The following EPB41L5 variants were observed in gnomAD, a reference collection of about 807,000 sequenced individuals.
EPB41L5 encodes erythrocyte membrane protein band 4.1 like 5.
A neutral mutation model predicts 106.6 loss-of-function variants in EPB41L5; 55 were observed. The observed-to-expected ratio is 0.52, with a 90% CI of 0.42 to 0.65. EPB41L5 has a LOEUF of 0.65. Ranked by LOEUF, EPB41L5 falls within the 30% of genes least tolerant of loss-of-function variation. The pLI, the probability that EPB41L5 is intolerant of heterozygous loss-of-function variation, is 0.00. For synonymous variants in EPB41L5, 297 were observed against 306.7 expected (o/e 0.97, Z 0.33); for missense variants, 871 against 882.1 (o/e 0.99, Z 0.16).
intron 8 of EPB41L5, 30 bp from the exon 9 acceptor site, chr2:120,077,199 T>C (rs1164144899): frequency 2.5e-6 from 4 of 1,587,730 alleles, no homozygotes; most frequent in Non-Finnish European, 3.4e-6. Context: ...TATTTATTGT[T>C]ACTTTAAAAA....
At chr2:120,079,662 C>T (rs1682507193) in intron 10 of EPB41L5, among the ~76,000 whole-genome samples, 1 of 152,084 alleles carries the variant, frequency 6.6e-6, no homozygotes, top group Non-Finnish European at 1.5e-5. Flanking sequence ...ACTGGTATTA[C>T]ATTTCCTTTC....
intron 21 of EPB41L5, 95 bp from the exon 22 acceptor site, chr2:120,164,741 C>A: frequency 2.6e-6 from 2 of 783,304 alleles, no homozygotes; most frequent in Non-Finnish European, 4.3e-6. Context: ...CTAATCAGGC[C>A]TGTGTCAGAA....
chr2:120,074,345 A>T, intron 5 of EPB41L5, 167 bp downstream of exon 5: 1 of 556,758 alleles, frequency 1.8e-6, no homozygotes, highest in Non-Finnish European at 3.2e-6. Flanking sequence ...TAAGTGTATG[A>T]TTCTTTTCCT....
intron 20 of EPB41L5, among the ~76,000 whole-genome samples, chr2:120,149,587 A>G (rs572810168): frequency 1.3e-5 from 2 of 152,204 alleles, no homozygotes; most frequent in Non-Finnish European, 2.9e-5. Context: ...TTATGGCTGT[A>G]TAATATTTCA....
intron 3 of EPB41L5, among the ~76,000 whole-genome samples, chr2:120,052,276 A>G (rs970674604): frequency 6.6e-6 from 1 of 152,152 alleles, no homozygotes; most frequent in African/African-American, 2.4e-5. Context: ...GGTTTGTCTG[A>G]TGTTCCCTTA....
intron 18 of EPB41L5, among the ~76,000 whole-genome samples, chr2:120,131,975 TTTA>T (rs1685715386): frequency 1.3e-5 from 2 of 152,154 alleles, no homozygotes; most frequent in Non-Finnish European, 2.9e-5. Flanking sequence ...TGTTAAACCT[TTTA>T]TTTTGATTGA....
chr2:120,124,220 C>G (rs1475882271), intron 16 of EPB41L5, among the ~76,000 whole-genome samples: 5 of 152,188 alleles, frequency 3.3e-5, no homozygotes, highest in African/African-American at 1.2e-4. Flanking sequence ...TCACTCCCCT[C>G]ATTTCTGGCT....
Position 120,178,026 on chromosome 2 carries a change from A to G in EPB41L5, c.*3119A>G, listed in dbSNP as rs1687978543. 2 of 152,678 alleles carry G rather than the reference A, an allele frequency of 1.3e-5. No homozygotes were observed. The highest frequency in any genetic ancestry group is 2.4e-5 in the African/African-American group (1 of 41,466). The allele number at this position is 152,678 out of a possible 1,614,324, so 9.5% of individuals were successfully genotyped here. ...GCTATTTTTCTAAGTAAGAGTCTCG[A>G]GAAGCAGAGTTTTTGTCTTGTCATT... is the stretch of plus-strand genomic sequence containing the variant. On this transcript the variant is annotated 3_prime_UTR_variant, in exon 25 of 25. Coordinates refer to ENST00000263713, the MANE Select transcript of EPB41L5 (RefSeq NM_020909.4).
chr2:120,108,074 T>C (rs1215627112), intron 16 of EPB41L5: 1 of 152,204 alleles, frequency 6.6e-6, no homozygotes, highest in Non-Finnish European at 1.5e-5. Context: ...CAATTGTTCC[T>C]GTTCTTCCTG....
At chr2:120,069,371 G>A (rs10208163) in intron 3 of EPB41L5, among the ~76,000 whole-genome samples, 4,891 of 151,948 alleles carry the variant, frequency 0.032, 263 homozygotes, top group African/African-American at 0.11. Flanking sequence ...CATTAATAGT[G>A]GGAGACTTTA....
At chr2:120,014,142 T>TAG (rs1677346526) in intron 1 of EPB41L5, among the ~76,000 whole-genome samples, 1 of 152,268 alleles carries the variant, frequency 6.6e-6, no homozygotes. Flanking sequence ...TGCTGTATGT[T>TAG]ATATTGCTTT....
intron 2 of EPB41L5, among the ~76,000 whole-genome samples, chr2:120,019,503 G>C (rs1286852608): frequency 6.6e-6 from 1 of 152,090 alleles, no homozygotes; most frequent in African/African-American, 2.4e-5. Flanking sequence ...TAAATGACAG[G>C]GCAGTTATTG....
intron 18 of EPB41L5, among the ~76,000 whole-genome samples, chr2:120,139,435 T>C (rs1039203992): frequency 9.9e-5 from 15 of 151,798 alleles, no homozygotes; most frequent in African/African-American, 3.6e-4. Flanking sequence ...CATCTGACAA[T>C]GGACTAATAA....
intron 1 of EPB41L5, among the ~76,000 whole-genome samples, chr2:120,015,957 G>A (rs1422133060): frequency 6.6e-6 from 1 of 150,704 alleles, no homozygotes; most frequent in South Asian, 2.1e-4. Flanking sequence ...ATTGTATGCT[G>A]TTGTGTGTAC....
intron 1 of EPB41L5, among the ~76,000 whole-genome samples, chr2:120,018,206 A>G (rs1677673828): frequency 6.6e-6 from 1 of 151,686 alleles, no homozygotes; most frequent in Non-Finnish European, 1.5e-5. Flanking sequence ...TGACCTCGTG[A>G]TCCACCTGCC....
chr2:120,059,767 G>A (rs772420587), intron 3 of EPB41L5, among the ~76,000 whole-genome samples: 2 of 152,046 alleles, frequency 1.3e-5, no homozygotes, highest in East Asian at 3.9e-4. Context: ...GTCTGCTGCT[G>A]TGGCTACTTG....
At chr2:120,016,993 G>C (rs1677569569) in intron 1 of EPB41L5, among the ~76,000 whole-genome samples, 1 of 152,196 alleles carries the variant, frequency 6.6e-6, no homozygotes, top group African/African-American at 2.4e-5. Flanking sequence ...AATTACGCAA[G>C]AGTATACATG....
In EPB41L5 at chr2:120,021,490, A is replaced by G. The variant is rs111397063; in HGVS notation, c.180+2226A>G. Reference sequence around the variant, plus strand: ...AAACCCCGTCTCTACTAAAAATACAAAATAGCTGGGTGTGGTGGCGGACGC... The same window carrying G: ...AAACCCCGTCTCTACTAAAAATACAGAATAGCTGGGTGTGGTGGCGGACGC... On this transcript the variant is annotated intron_variant, in intron 2 of 24. Transcript: ENST00000263713. 7.1e-3 allele frequency among the ~76,000 whole-genome samples: 1,070 copies of G among 151,712 alleles called. 7 individuals carry two copies. Among genetic ancestry groups the G allele is most frequent in the Middle Eastern group, 0.058 (17 of 294 alleles).
At chr2:120,070,333 T>C (rs918553382) in intron 3 of EPB41L5, among the ~76,000 whole-genome samples, 8 of 152,062 alleles carry the variant, frequency 5.3e-5, no homozygotes, top group African/African-American at 1.9e-4. Context: ...ATTGAGGCAG[T>C]AATTAATAGC....
Sources: gnomAD v4.1 joint callset for allele counts (sites outside exome capture counted in the v4.1 genomes callset) on GRCh38, gnomAD v4.1.1 for gene constraint, MANE v1.5 for transcripts, NCBI Gene and HGNC (gene_info 2026-07-23, HGNC 2026-07-21) for gene names.